MYL12A: variants seen among roughly 807,000 people sequenced by gnomAD.
MYL12A encodes myosin regulatory light chain 12A.
A neutral mutation model predicts 13.3 loss-of-function variants in MYL12A; 11 were observed. The observed-to-expected ratio is 0.83, with a 90% CI of 0.52 to 1.37. The LOEUF (loss-of-function observed/expected upper bound fraction) is 1.37, where lower values mean the gene tolerates loss of function less well. Among genes scored for constraint, MYL12A ranks in the 40% most tolerant of loss-of-function variants. MYL12A has a pLI of 0.00. For synonymous variants in MYL12A, 51 were observed against 69.9 expected (o/e 0.73, Z 1.35); for missense variants, 146 against 212.3 (o/e 0.69, Z 1.94).
rs112835692 is a variant in MYL12A, at chr18:3,251,319, T to G, written c.-15-1914T>G. ...GAGGACCCTCGTAAATTTAGTTATA[T>G]GAGATTTTATATAATAGATTAAAAA... On this transcript the variant is annotated intron_variant, in intron 1 of 3. Coordinates refer to ENST00000217652, the MANE Select transcript of MYL12A (RefSeq NM_006471.4). Among the ~76,000 whole-genome samples the G allele has an allele frequency of 4.4e-3, 653 of 148,444 alleles. 3 individuals are homozygous for G. The highest frequency in any genetic ancestry group is 7.3e-3 in the South Asian group (34 of 4,646).
At chr18:3,253,782 C>G (rs1442763522) in intron 2 of MYL12A, 107 bp from the exon 3 acceptor site, 2 of 1,255,904 alleles carry the variant, frequency 1.6e-6, no homozygotes, top group African/African-American at 1.5e-5. Flanking sequence ...TGAGTGCAAA[C>G]AGTAAACTGT....
At chr18:3,249,146 A>G (rs1028851782) in intron 1 of MYL12A, among the ~76,000 whole-genome samples, 1 of 152,224 alleles carries the variant, frequency 6.6e-6, no homozygotes, top group Non-Finnish European at 1.5e-5. Flanking sequence ...TTGTAAATAA[A>G]TGCTGGACTC....
rs559739914 is a variant in MYL12A, at chr18:3,253,098, A to G, written c.-15-135A>G. 33 of 911,590 alleles carry G rather than the reference A, an allele frequency of 3.6e-5. No individual in the cohort carries two copies. In the South Asian group the frequency reaches 5.6e-4, roughly 15 times the overall value. 56.5% of individuals were successfully genotyped at this position (911,590 alleles called of 1,614,324 possible). On this transcript the variant is annotated intron_variant, in intron 1 of 3. Transcript: ENST00000217652. ...GTAATCTTGTTGAGATGTGTCTTCT[A>G]AAGACACATTTCTGAGTAGCTCAAA... is the stretch of plus-strand genomic sequence containing the variant.
chr18:3,253,438 A>ATTAAATATTAATTTATT lies in MYL12A; in HGVS notation c.181+10_181+11insTTAAATATTAATTTATT, dbSNP rs748714356. ...ATGCTTGCTTCATTGGGTAATGCTC[A>ATTAAATATTAATTTATT]GTTTAAATATTAATCTATTGGATAG... On this transcript the variant is annotated intron_variant, in intron 2 of 3. Transcript: ENST00000217652. The ATTAAATATTAATTTATT allele has an allele frequency of 9.3e-6, 15 of 1,610,588 alleles. No homozygotes were observed. In the East Asian group the frequency reaches 3.3e-4, roughly 36 times the overall value.
At chr18:3,254,375 G>A (rs994130639) in intron 3 of MYL12A, among the ~76,000 whole-genome samples, 1 of 152,198 alleles carries the variant, frequency 6.6e-6, no homozygotes, top group Non-Finnish European at 1.5e-5. Context: ...AGTATAAATT[G>A]TTATAGGCCA....
chr18:3,256,087 A>G lies in MYL12A; in HGVS notation c.*169A>G. 1.2e-6 allele frequency: 1 copy of G among 813,936 alleles called. No individual in the cohort carries two copies. 50.4% of individuals were successfully genotyped at this position (813,936 alleles called of 1,614,324 possible). On this transcript the variant is annotated 3_prime_UTR_variant, in exon 4 of 4. Coordinates refer to ENST00000217652, the MANE Select transcript of MYL12A (RefSeq NM_006471.4). ...CAGACTGGAAACGGGACTTTCTATT[A>G]ATATCATTTTCAGAATAAAAAATAG...
intron 1 of MYL12A, among the ~76,000 whole-genome samples, 190 bp from the exon 2 acceptor site, chr18:3,253,040 CTGT>C (rs572929092): frequency 2.4e-4 from 37 of 152,206 alleles, no homozygotes; most frequent in African/African-American, 8.2e-4. Context: ...TGGTTATCAG[CTGT>C]TGTTAGTTAT....
intron 1 of MYL12A, chr18:3,252,515 A>G (rs1284637433): frequency 6.5e-6 from 8 of 1,225,570 alleles, no homozygotes; most frequent in African/African-American, 6.1e-5. Context: ...TACGTTTAAG[A>G]TGTTTTCTAA....
rs1190947861 is a variant in MYL12A, at chr18:3,253,887, A to G, written c.182-2A>G. 6.3e-7 allele frequency: 1 copy of G among 1,593,082 alleles called. No homozygotes were observed. The highest frequency in any genetic ancestry group is 8.5e-7 in the Non-Finnish European group (1 of 1,174,480). ...AAATTATGACCCCTTTTAAAAATTT[A>G]GGGAAGAATCCAACTGATGAGTATC... is the stretch of plus-strand genomic sequence containing the variant. On this transcript the variant is annotated splice_acceptor_variant, in intron 2 of 3. Coordinates refer to ENST00000217652, the MANE Select transcript of MYL12A (RefSeq NM_006471.4). LOFTEE classifies it high-confidence loss of function.
chr18:3,252,077 T>G, intron 1 of MYL12A: 3 of 406,654 alleles, frequency 7.4e-6, no homozygotes, highest in Non-Finnish European at 1.3e-5. Flanking sequence ...TTTGGAGTGC[T>G]GAGATCTAGG....
chr18:3,255,646 A>G (rs1243117896), intron 3 of MYL12A, 100 bp from the exon 4 acceptor site: 2 of 1,360,968 alleles, frequency 1.5e-6, no homozygotes, highest in Non-Finnish European at 2.0e-6. Context: ...GCATGTTTAT[A>G]GTTTGTAACA....
intron 1 of MYL12A, among the ~76,000 whole-genome samples, chr18:3,251,827 T>A (rs1233922450): frequency 6.6e-6 from 1 of 152,228 alleles, no homozygotes. Flanking sequence ...GTAGGATATA[T>A]CTTTTCAACA....
intron 1 of MYL12A, among the ~76,000 whole-genome samples, chr18:3,250,673 T>G (rs2081476000): frequency 6.6e-6 from 1 of 152,214 alleles, no homozygotes; most frequent in African/African-American, 2.4e-5. Context: ...CCTTAATTTG[T>G]TAGAATTGAG....
At chr18:3,251,270 CTA>C (rs1310684818) in intron 1 of MYL12A, among the ~76,000 whole-genome samples, 5 of 151,816 alleles carry the variant, frequency 3.3e-5, no homozygotes, top group Non-Finnish European at 7.4e-5. Context: ...ACAACCAAAA[CTA>C]AGCATTTTGA....
chr18:3,255,578 A>T, intron 3 of MYL12A, 168 bp from the exon 4 acceptor site: 1 of 777,254 alleles, frequency 1.3e-6, no homozygotes, highest in Non-Finnish European at 1.9e-6. Context: ...GCATTTTTCT[A>T]GGCACTTCTC....
intron 3 of MYL12A, among the ~76,000 whole-genome samples, chr18:3,254,486 C>G (rs1598798759): frequency 6.6e-6 from 1 of 152,184 alleles, no homozygotes. Context: ...CCCAGTAGAA[C>G]TTAGGGTCTG....
intron 1 of MYL12A, 93 bp from the exon 2 acceptor site, chr18:3,253,140 G>A (rs1567984169): frequency 3.6e-6 from 5 of 1,387,506 alleles, no homozygotes; most frequent in Non-Finnish European, 2.9e-6. Flanking sequence ...AGGAAAGTTG[G>A]TTCTGTGTAC....
intron 3 of MYL12A, among the ~76,000 whole-genome samples, chr18:3,255,141 T>G (rs2081524434): frequency 6.6e-6 from 1 of 152,214 alleles, no homozygotes; most frequent in Non-Finnish European, 1.5e-5. Context: ...TGCTCAAATA[T>G]TTATTCCATG....
At chr18:3,253,128 T>C (rs1387823815) in intron 1 of MYL12A, 105 bp from the exon 2 acceptor site, 4 of 1,245,966 alleles carry the variant, frequency 3.2e-6, no homozygotes, top group African/African-American at 1.5e-5. Context: ...CTCAAACATA[T>C]CAGGAAAGTT....
Sources: gnomAD v4.1 joint callset for allele counts (sites outside exome capture counted in the v4.1 genomes callset) on GRCh38, gnomAD v4.1.1 for gene constraint, MANE v1.5 for transcripts, NCBI Gene and HGNC (gene_info 2026-07-23, HGNC 2026-07-21) for gene names.